Variants in GRM7 observed in about 807,000 individuals in gnomAD.
GRM7 encodes glutamate metabotropic receptor 7.
A neutral mutation model predicts 84.5 loss-of-function variants in GRM7; 35 were observed. That is an observed-to-expected ratio of 0.41 (90% CI 0.32 to 0.55). GRM7 has a LOEUF of 0.55. GRM7 is among the 20% of genes least tolerant of loss of function. The pLI is 0.19. For missense variants in GRM7, 1,003 were observed against 1,194.6 expected (o/e 0.84, Z 2.36); for synonymous variants, 487 against 455.1 (o/e 1.07, Z -0.89).
chr3:7,138,473 G>T (rs976354665), intron 1 of GRM7, among the ~76,000 whole-genome samples: 1 of 151,762 alleles, frequency 6.6e-6, no homozygotes, highest in Non-Finnish European at 1.5e-5. Flanking sequence ...TCACTTTATA[G>T]GCATACTGGT....
At chr3:7,254,119 G>C (rs374048817) in intron 2 of GRM7, among the ~76,000 whole-genome samples, 16 of 152,314 alleles carry the variant, frequency 1.1e-4, no homozygotes, top group African/African-American at 3.1e-4. Context: ...TTGTTTCACA[G>C]CTAACTTCAG....
At chr3:7,052,163 G>A (rs1048543870) in intron 1 of GRM7, among the ~76,000 whole-genome samples, 61 of 151,768 alleles carry the variant, frequency 4.0e-4, no homozygotes, top group African/African-American at 1.4e-3. Context: ...GACTGAAAAT[G>A]TATTTATGAA....
intron 2 of GRM7, among the ~76,000 whole-genome samples, chr3:7,237,058 C>A (rs1697372500): frequency 1.3e-5 from 2 of 152,112 alleles, no homozygotes; most frequent in Admixed American, 6.5e-5. Flanking sequence ...TATATGTAAA[C>A]CCATTTTGTC....
intron 2 of GRM7, among the ~76,000 whole-genome samples, chr3:7,203,565 G>A (rs1463272189): frequency 2.0e-5 from 3 of 152,096 alleles, no homozygotes; most frequent in Non-Finnish European, 2.9e-5. Context: ...GTGAGTGTGG[G>A]CATCATTTTT....
intron 9 of GRM7, among the ~76,000 whole-genome samples, chr3:7,738,737 TTC>T (rs879892489): frequency 0.01 from 1,466 of 141,664 alleles, 25 homozygotes; most frequent in African/African-American, 0.042. Flanking sequence ...TTTTTTTTTT[TTC>T]CCCTTCTTTT....
rs189070630 is a variant in GRM7, at chr3:7,105,315, C to T, written c.520-41137C>T. Among the ~76,000 whole-genome samples, 14 of 151,950 alleles carry T rather than the reference C, an allele frequency of 9.2e-5. No homozygotes were observed. In the East Asian group the frequency reaches 2.7e-3, roughly 29 times the overall value. On this transcript the variant is annotated intron_variant, in intron 1 of 9. Coordinates refer to ENST00000357716, the MANE Select transcript of GRM7 (RefSeq NM_000844.4). ...GTTATCCAAAATGAATGAAAAATAA[C>T]TCATATTCTTTGTCTACAACCATCT...
chr3:7,122,822 C>G (rs1324874685), intron 1 of GRM7, among the ~76,000 whole-genome samples: 1 of 152,178 alleles, frequency 6.6e-6, no homozygotes, highest in Non-Finnish European at 1.5e-5. Context: ...AAGAATAGTT[C>G]CCTTTTATGT....
At chr3:7,467,670 A>T (rs151007000) in intron 7 of GRM7, among the ~76,000 whole-genome samples, 1 of 152,270 alleles carries the variant, frequency 6.6e-6, no homozygotes, top group Admixed American at 6.5e-5. Flanking sequence ...GATCTAGGTC[A>T]TATTGTTTGT....
intron 8 of GRM7, among the ~76,000 whole-genome samples, chr3:7,667,598 G>A (rs1349927611): frequency 6.6e-6 from 1 of 151,942 alleles, no homozygotes; most frequent in African/African-American, 2.4e-5. Context: ...GTCAGATGAA[G>A]CAATAGAACA....
At chr3:7,500,399 T>C (rs1699847351) in intron 7 of GRM7, among the ~76,000 whole-genome samples, 1 of 152,210 alleles carries the variant, frequency 6.6e-6, no homozygotes, top group Non-Finnish European at 1.5e-5. Context: ...TGCATTGCCC[T>C]AAGCTGTAGC....
chr3:7,431,771 A>G (rs1312003685), intron 5 of GRM7, among the ~76,000 whole-genome samples: 2 of 152,210 alleles, frequency 1.3e-5, no homozygotes, highest in African/African-American at 4.8e-5. Flanking sequence ...ACTGTTGTTC[A>G]CCGCAGTACA....
intron 7 of GRM7, among the ~76,000 whole-genome samples, chr3:7,573,929 G>T (rs1192586726): frequency 6.6e-6 from 1 of 152,170 alleles, no homozygotes; most frequent in Non-Finnish European, 1.5e-5. Flanking sequence ...TAGAATGCGT[G>T]ACTGCAATTA....
chr3:7,259,953 G>GTTTTTTTTTTTTTTTTTTTTTTTTTT lies in GRM7; in HGVS notation c.737-38719_737-38718insTTTTTTTTTTTTTTTTTTTTTTTTTT, dbSNP rs1164961076. The stretch of plus-strand genomic sequence containing the variant: ...TTTCTCTGCAACCTTACCAGCATCT[G>GTTTTTTTTTTTTTTTTTTTTTTTTTT]TTTTTTTTTTTTGACGTTTTAATAA... On this transcript the variant is annotated intron_variant, in intron 2 of 9. Transcript: ENST00000357716. 1.6e-4 allele frequency among the ~76,000 whole-genome samples: 14 copies of GTTTTTTTTTTTTTTTTTTTTTTTTTT among 89,654 alleles called. 2 individuals carry two copies. The highest frequency in any genetic ancestry group is 7.0e-4 in the African/African-American group (12 of 17,066). The allele number at this position is 89,654 out of a possible 152,430, so 58.8% of individuals were successfully genotyped here.
chr3:6,963,033 A>G (rs1025791535), intron 1 of GRM7, among the ~76,000 whole-genome samples: 1 of 152,206 alleles, frequency 6.6e-6, no homozygotes, highest in Non-Finnish European at 1.5e-5. Context: ...TGTATAGTTC[A>G]TTTCTCTGCA....
chr3:7,651,958 T>C (rs1165506628), intron 8 of GRM7, among the ~76,000 whole-genome samples: 1 of 152,204 alleles, frequency 6.6e-6, no homozygotes, highest in African/African-American at 2.4e-5. Flanking sequence ...ATATTGTCCC[T>C]GCCTTCTCCT....
At chr3:7,721,960 T>C (rs927538830) in intron 9 of GRM7, among the ~76,000 whole-genome samples, 5 of 152,176 alleles carry the variant, frequency 3.3e-5, no homozygotes, top group African/African-American at 1.2e-4. Flanking sequence ...ACAGTATGCG[T>C]GGATGGAAGT....
At chr3:7,473,587 T>TTTTTTAAGA (rs1446030477) in intron 7 of GRM7, among the ~76,000 whole-genome samples, 1 of 151,902 alleles carries the variant, frequency 6.6e-6, no homozygotes, top group Non-Finnish European at 1.5e-5. Flanking sequence ...AGGGCAGATA[T>TTTTTTAAGA]TTTTTAAGAT....
intron 2 of GRM7, among the ~76,000 whole-genome samples, chr3:7,296,025 A>G (rs1230701325): frequency 6.6e-6 from 1 of 152,020 alleles, no homozygotes; most frequent in East Asian, 1.9e-4. Context: ...ATAGATGCCT[A>G]TTATTAGGCT....
At chr3:7,285,329 A>G (rs551179046) in intron 2 of GRM7, among the ~76,000 whole-genome samples, 1 of 152,032 alleles carries the variant, frequency 6.6e-6, no homozygotes, top group South Asian at 2.1e-4. Context: ...TCTTTTTAAA[A>G]CCCCCTACAG....
Sources: allele counts gnomAD v4.1 joint callset (sites outside exome capture counted in the v4.1 genomes callset), GRCh38; gene constraint gnomAD v4.1.1; transcripts MANE v1.5; gene names NCBI Gene and HGNC (gene_info 2026-07-23, HGNC 2026-07-21).